The following CNTN6 variants were observed in gnomAD, a reference collection of about 807,000 sequenced individuals.
CNTN6 encodes contactin 6, also known as contactin-6.
A neutral mutation model predicts 122.8 loss-of-function variants in CNTN6; 137 were observed. The observed-to-expected ratio is 1.12, with a 90% CI of 0.97 to 1.29. The LOEUF is 1.29. Among genes scored for constraint, CNTN6 ranks in the 50% most tolerant of loss-of-function variants. CNTN6 has a pLI of 0.00. For synonymous variants in CNTN6, 570 were observed against 426.0 expected (o/e 1.34, Z -4.16); for missense variants, 1,634 against 1,223.4 (o/e 1.34, Z -5.01).
At chr3:1,150,396 C>G (rs964810720) in intron 2 of CNTN6, among the ~76,000 whole-genome samples, 5 of 152,122 alleles carry the variant, frequency 3.3e-5, no homozygotes, top group Non-Finnish European at 5.9e-5. Flanking sequence ...TACTTTAAAT[C>G]TCCCTAGACT....
chr3:1,110,623 T>G (rs748486153), intron 1 of CNTN6, among the ~76,000 whole-genome samples: 2 of 152,134 alleles, frequency 1.3e-5, no homozygotes, highest in Non-Finnish European at 2.9e-5. Context: ...TTTGCTAAGA[T>G]TTTCACTTAA....
At chr3:1,399,356 C>A (rs897493548) in intron 20 of CNTN6, among the ~76,000 whole-genome samples, 19 of 152,098 alleles carry the variant, frequency 1.2e-4, no homozygotes, top group Admixed American at 3.9e-4. Context: ...CAAAATAATT[C>A]TTGCTGCCAT....
intron 4 of CNTN6, among the ~76,000 whole-genome samples, chr3:1,267,578 T>C (rs1321250063): frequency 6.6e-6 from 1 of 152,150 alleles, no homozygotes; most frequent in Non-Finnish European, 1.5e-5. Flanking sequence ...CAAAATCTAA[T>C]AAACACTTGA....
intron 5 of CNTN6, among the ~76,000 whole-genome samples, chr3:1,294,216 G>C (rs1386851262): frequency 6.6e-6 from 1 of 152,036 alleles, no homozygotes; most frequent in African/African-American, 2.4e-5. Context: ...TCAACAGGAA[G>C]GTGTCCAATC....
intron 4 of CNTN6, among the ~76,000 whole-genome samples, chr3:1,255,265 G>A (rs2094734897): frequency 1.3e-5 from 2 of 152,260 alleles, no homozygotes; most frequent in Admixed American, 6.5e-5. Context: ...CAAAGTCATT[G>A]CAATAGGGTA....
chr3:1,165,785 GGTCA>G (rs1420315246), intron 2 of CNTN6, among the ~76,000 whole-genome samples: 1 of 152,140 alleles, frequency 6.6e-6, no homozygotes, highest in Non-Finnish European at 1.5e-5. Context: ...TAACATGGCA[GGTCA>G]GTAACAGAAG....
Position 1,352,331 on chromosome 3 carries a change from C to G in CNTN6, c.1372C>G (p.Leu458Val). Reference protein sequence around the residue: ...ETLRQSKRIFLLEDGSLKIYN... With the variant: ...ETLRQSKRIFVLEDGSLKIYN... ...GATGTATTTTCTTTTTAGAATATTT[C>G]TCTTGGAGGATGGCAGCCTCAAGAT... Residue 458 changes from leucine to valine, a missense_variant, in exon 12 of 23, where the codon CTC becomes GTC. By Grantham distance (32) the Leu-to-Val change is conservative. Transcript: ENST00000446702. 6.6e-7 allele frequency: 1 copy of G among 1,522,718 alleles called. No homozygotes were observed. Among genetic ancestry groups the G allele is most frequent in the Non-Finnish European group, 8.9e-7 (1 of 1,127,120 alleles). 94.3% of individuals were successfully genotyped at this position (1,522,718 alleles called of 1,614,324 possible).
intron 2 of CNTN6, among the ~76,000 whole-genome samples, chr3:1,205,184 T>A (rs1283370255): frequency 1.3e-4 from 20 of 152,092 alleles, no homozygotes; most frequent in Admixed American, 1.3e-3. Flanking sequence ...AGAAGTCGTA[T>A]AAGGCAAGGA....
chr3:1,289,036 A>G, intron 5 of CNTN6, among the ~76,000 whole-genome samples: 1 of 152,246 alleles, frequency 6.6e-6, no homozygotes, highest in Admixed American at 6.5e-5. Context: ...AAAATGCATC[A>G]CAACCGTTAA....
intron 1 of CNTN6, among the ~76,000 whole-genome samples, chr3:1,126,788 C>A (rs1381118099): frequency 1.3e-5 from 2 of 151,966 alleles, no homozygotes; most frequent in African/African-American, 2.4e-5. Context: ...TTCAGAGTTA[C>A]TTCCTGTGTC....
chr3:1,285,453 G>A (rs550540139), intron 5 of CNTN6, among the ~76,000 whole-genome samples: 1 of 152,048 alleles, frequency 6.6e-6, no homozygotes, highest in African/African-American at 2.4e-5. Flanking sequence ...TATATGTTTA[G>A]GGCAAAAGCT....
intron 4 of CNTN6, among the ~76,000 whole-genome samples, chr3:1,240,014 A>T (rs1035884162): frequency 3.3e-5 from 5 of 152,206 alleles, no homozygotes; most frequent in Non-Finnish European, 5.9e-5. Flanking sequence ...ACCTTAAAAA[A>T]AATCAACTCA....
chr3:1,148,175 T>A, intron 2 of CNTN6, 112 bp downstream of exon 2: 1 of 782,772 alleles, frequency 1.3e-6, no homozygotes, highest in Non-Finnish European at 2.1e-6. Flanking sequence ...TTTGAATGAC[T>A]AAGTGATAAT....
intron 1 of CNTN6, among the ~76,000 whole-genome samples, chr3:1,115,375 A>G (rs1221973074): frequency 6.6e-6 from 1 of 152,164 alleles, no homozygotes; most frequent in South Asian, 2.1e-4. Context: ...ATGAAGAAAG[A>G]TTAAGAACAG....
intron 1 of CNTN6, among the ~76,000 whole-genome samples, chr3:1,113,227 A>G (rs1021312760): frequency 7.2e-5 from 11 of 152,174 alleles, no homozygotes; most frequent in African/African-American, 2.4e-4. Context: ...AATAATTAAC[A>G]CAAGGTCTAA....
At chr3:1,151,272 G>A (rs752027279) in intron 2 of CNTN6, among the ~76,000 whole-genome samples, 1 of 152,056 alleles carries the variant, frequency 6.6e-6, no homozygotes, top group East Asian at 1.9e-4. Context: ...TTAAATGAAT[G>A]AATTAATTAA....
chr3:1,363,901 C>T (rs996351728), intron 12 of CNTN6, among the ~76,000 whole-genome samples: 2 of 151,884 alleles, frequency 1.3e-5, no homozygotes, highest in Non-Finnish European at 2.9e-5. Flanking sequence ...CTCCCTTTTT[C>T]CACACCCTAG....
chr3:1,253,427 A>C (rs924202368), intron 4 of CNTN6, among the ~76,000 whole-genome samples: 1 of 152,184 alleles, frequency 6.6e-6, no homozygotes, highest in Non-Finnish European at 1.5e-5. Flanking sequence ...ATGTTGATAA[A>C]TGGTTATGTA....
chr3:1,176,542 G>C (rs1379721293), intron 2 of CNTN6, among the ~76,000 whole-genome samples: 3 of 152,158 alleles, frequency 2.0e-5, no homozygotes, highest in African/African-American at 7.2e-5. Flanking sequence ...AGGCAAACTA[G>C]GGAGTATGGA....
Sources: gnomAD v4.1 joint callset for allele counts (sites outside exome capture counted in the v4.1 genomes callset) on GRCh38, gnomAD v4.1.1 for gene constraint, MANE v1.5 for transcripts, NCBI Gene and HGNC (gene_info 2026-07-23, HGNC 2026-07-21) for gene names.